The following RAB6B variants were observed in gnomAD, a reference collection of about 807,000 sequenced individuals.
RAB6B encodes ras-related protein Rab-6B.
A neutral mutation model predicts 31.2 loss-of-function variants in RAB6B; 7 were observed. The observed-to-expected ratio is 0.22, with a 90% confidence interval of 0.13 to 0.42. The LOEUF (loss-of-function observed/expected upper bound fraction) is 0.42. RAB6B is among the 10% of genes least tolerant of loss of function. The pLI is 1.00. For synonymous variants in RAB6B, 105 were observed against 104.9 expected (o/e 1.00, Z -0.01); for missense variants, 149 against 280.6 (o/e 0.53, Z 3.35).
At chr3:133,838,383 G>T (rs939479086) in intron 5 of RAB6B, 124 bp from the exon 6 acceptor site, 40 of 846,158 alleles carry the variant, frequency 4.7e-5, no homozygotes, top group Non-Finnish European at 5.4e-5. Flanking sequence ...CTGAAGACAG[G>T]CTCTGATCCC....
chr3:133,836,996 G>A (rs2107988814), intron 6 of RAB6B, among the ~76,000 whole-genome samples: 1 of 152,322 alleles, frequency 6.6e-6, no homozygotes, highest in East Asian at 1.9e-4. Context: ...TACACAGCTT[G>A]CCAAGGGTTC....
intron 1 of RAB6B, among the ~76,000 whole-genome samples, chr3:133,880,762 G>A (rs187410313): frequency 6.7e-4 from 96 of 143,602 alleles, no homozygotes; most frequent in Middle Eastern, 7.2e-3. Context: ...CCCCTGCAGA[G>A]CCAGGTGGTG....
At chr3:133,839,440 C>G (rs1935788064) in intron 5 of RAB6B, 66 bp downstream of exon 5, 1 of 1,379,004 alleles carries the variant, frequency 7.3e-7, no homozygotes, top group African/African-American at 1.4e-5. Context: ...CCCAGAGCTC[C>G]CTGTCCAGGA....
At chr3:133,885,509 AC>A in intron 1 of RAB6B, 1 of 702,680 alleles carries the variant, frequency 1.4e-6, no homozygotes. Flanking sequence ...ACATCCAATG[AC>A]CAGAGGATAG....
Position 133,828,446 on chromosome 3 carries a change from A to C in RAB6B, c.*342T>G, listed in dbSNP as rs2107983630. 2.5e-6 allele frequency: 1 copy of C among 393,322 alleles called. No individual in the cohort carries two copies. The highest frequency in any genetic ancestry group is 5.7e-5 in the East Asian group (1 of 17,396). The allele number at this position is 393,322 out of a possible 1,614,324, so 24.4% of individuals were successfully genotyped here. On this transcript the variant is annotated 3_prime_UTR_variant, in exon 8 of 8. Transcript: ENST00000285208. Reference sequence around the variant, plus strand: ...AAGTTTACAAATATACAAAAACAAAAAGCACATCTTTCAAATAAAAATGAC... The same window carrying C: ...AAGTTTACAAATATACAAAAACAAACAGCACATCTTTCAAATAAAAATGAC...
At chr3:133,848,071 C>T (rs1935930645) in intron 2 of RAB6B, among the ~76,000 whole-genome samples, 2 of 152,220 alleles carry the variant, frequency 1.3e-5, no homozygotes, top group South Asian at 4.1e-4. Context: ...CAGCTACTTA[C>T]TACAAATCCC....
chr3:133,845,043 C>G (rs548557316), intron 2 of RAB6B, among the ~76,000 whole-genome samples: 4 of 152,216 alleles, frequency 2.6e-5, no homozygotes, highest in Non-Finnish European at 5.9e-5. Context: ...TGACGAAACT[C>G]CCCAGTCCCA....
At chr3:133,850,963 A>G (rs1238116511) in intron 2 of RAB6B, among the ~76,000 whole-genome samples, 4 of 151,910 alleles carry the variant, frequency 2.6e-5, no homozygotes, top group Admixed American at 6.6e-5. Flanking sequence ...CGGCTGCCAT[A>G]CTGGAAAAAA....
chr3:133,868,383 C>T (rs1175608246), intron 1 of RAB6B, among the ~76,000 whole-genome samples: 1 of 152,204 alleles, frequency 6.6e-6, no homozygotes, highest in Non-Finnish European at 1.5e-5. Flanking sequence ...GGCATCCCAG[C>T]AGGCCTGCAG....
At chr3:133,862,134 A>G (rs1472684288) in intron 2 of RAB6B, among the ~76,000 whole-genome samples, 3 of 151,926 alleles carry the variant, frequency 2.0e-5, no homozygotes, top group Non-Finnish European at 4.4e-5. Flanking sequence ...AATATTGAAA[A>G]AAAAAAAAAG....
At chr3:133,874,257 G>A (rs749373784) in intron 1 of RAB6B, among the ~76,000 whole-genome samples, 5 of 152,184 alleles carry the variant, frequency 3.3e-5, no homozygotes, top group Non-Finnish European at 5.9e-5. Flanking sequence ...TCTGAGCAAC[G>A]CATCATTAGG....
At chr3:133,841,221 G>A (rs151272922) in intron 4 of RAB6B, 64 bp downstream of exon 4, 3 of 1,500,980 alleles carry the variant, frequency 2.0e-6, no homozygotes, top group Non-Finnish European at 2.8e-6. Context: ...GGCCTGGCCA[G>A]GGTCACACCT....
chr3:133,861,586 G>C (rs1055297022), intron 2 of RAB6B, among the ~76,000 whole-genome samples: 2 of 152,198 alleles, frequency 1.3e-5, no homozygotes, highest in Non-Finnish European at 2.9e-5. Flanking sequence ...TGAGGATAGG[G>C]TTAAACGCCC....
chr3:133,863,217 A>G (rs2068675), intron 2 of RAB6B, among the ~76,000 whole-genome samples: 23,253 of 152,282 alleles, frequency 0.15, 2,254 homozygotes, highest in Middle Eastern at 0.28. Flanking sequence ...CACCAAGTCC[A>G]CTGGCTAGCC....
intron 1 of RAB6B, among the ~76,000 whole-genome samples, chr3:133,873,238 C>T (rs890023947): frequency 6.6e-6 from 1 of 152,212 alleles, no homozygotes; most frequent in African/African-American, 2.4e-5. Context: ...AGATTCTAGA[C>T]AGGAGTGTTC....
chr3:133,865,836 A>G (rs530642853), intron 1 of RAB6B, among the ~76,000 whole-genome samples: 3 of 152,366 alleles, frequency 2.0e-5, no homozygotes, highest in Admixed American at 1.3e-4. Flanking sequence ...AGTGCACCAC[A>G]TAACAGACAA....
At chr3:133,864,445 A>G (rs1936206867) in intron 2 of RAB6B, 139 bp downstream of exon 2, 2 of 816,120 alleles carry the variant, frequency 2.5e-6, no homozygotes, top group African/African-American at 3.4e-5. Flanking sequence ...TGGGGCCAGT[A>G]TAGAGGTGGG....
At chr3:133,852,184 C>G (rs1935996551) in intron 2 of RAB6B, among the ~76,000 whole-genome samples, 1 of 152,232 alleles carries the variant, frequency 6.6e-6, no homozygotes, top group African/African-American at 2.4e-5. Context: ...AGAGCTGTGT[C>G]TACCACTGTT....
intron 2 of RAB6B, among the ~76,000 whole-genome samples, chr3:133,844,613 A>G (rs1290566935): frequency 6.6e-6 from 1 of 152,208 alleles, no homozygotes; most frequent in African/African-American, 2.4e-5. Context: ...AATACAAGAA[A>G]TAACAATTTG....
Sources: gnomAD v4.1 joint callset for allele counts (sites outside exome capture counted in the v4.1 genomes callset) on GRCh38, gnomAD v4.1.1 for gene constraint, MANE v1.5 for transcripts, NCBI Gene and HGNC (gene_info 2026-07-23, HGNC 2026-07-21) for gene names.